DGKG: variants seen among roughly 807,000 people sequenced by gnomAD.
DGKG encodes the protein DAG kinase gamma.
DGKG carries 78 observed loss-of-function variants against 105.3 expected under a neutral mutation model. The ratio of observed to expected loss-of-function variants is 0.74; its 90% CI spans 0.62 to 0.89. The LOEUF is 0.89. DGKG is among the 40% of genes least tolerant of loss of function. The pLI, the probability that DGKG is intolerant of heterozygous loss-of-function variation, is 0.00. For missense variants in DGKG, 958 were observed against 1,020.1 expected, an observed-to-expected ratio of 0.94 and a Z score of 0.83; for synonymous variants, 346 against 367.1, an observed-to-expected ratio of 0.94 and a Z score of 0.66.
chr3:186,318,904 C>T (rs922479489), intron 2 of DGKG, among the ~76,000 whole-genome samples: 7 of 152,210 alleles, frequency 4.6e-5, no homozygotes, highest in Non-Finnish European at 7.3e-5. Context: ...CTCGTTTCCA[C>T]GCTTAGTTTA....
chr3:186,299,027 C>T (rs1723736511), intron 3 of DGKG, among the ~76,000 whole-genome samples: 1 of 152,206 alleles, frequency 6.6e-6, no homozygotes, highest in Non-Finnish European at 1.5e-5. Flanking sequence ...TACCGCCTGG[C>T]TTCTGGTCCC....
At chr3:186,352,199 T>C (rs960881086) in intron 1 of DGKG, among the ~76,000 whole-genome samples, 1 of 152,168 alleles carries the variant, frequency 6.6e-6, no homozygotes. Flanking sequence ...TAAGTGTTTC[T>C]GTAAGCCACC....
At chr3:186,271,896 G>A (rs1297785170) in intron 11 of DGKG, among the ~76,000 whole-genome samples, 1 of 152,170 alleles carries the variant, frequency 6.6e-6, no homozygotes, top group African/African-American at 2.4e-5. Flanking sequence ...GCTCCTTTGT[G>A]CAACTTGCCC....
At chr3:186,353,804 T>C (rs1277066392) in intron 1 of DGKG, among the ~76,000 whole-genome samples, 1 of 152,006 alleles carries the variant, frequency 6.6e-6, no homozygotes, top group East Asian at 1.9e-4. Context: ...TCAGCACATA[T>C]TTACTGATTG....
At chr3:186,180,986 C>T (rs560193138) in intron 22 of DGKG, among the ~76,000 whole-genome samples, 2 of 152,326 alleles carry the variant, frequency 1.3e-5, no homozygotes, top group Admixed American at 6.5e-5. Flanking sequence ...GATGACTACA[C>T]GTATTTGCCT....
At chr3:186,299,943 T>C (rs2108616810) in intron 3 of DGKG, among the ~76,000 whole-genome samples, 1 of 151,976 alleles carries the variant, frequency 6.6e-6, no homozygotes, top group East Asian at 1.9e-4. Flanking sequence ...CAAGTGATCC[T>C]CACGCCTCAG....
At chr3:186,279,795 G>A in intron 9 of DGKG, 56 bp downstream of exon 9, 1 of 1,592,568 alleles carries the variant, frequency 6.3e-7, no homozygotes, top group Non-Finnish European at 8.6e-7. Context: ...ATATTAACAT[G>A]AAGCCCAATG....
chr3:186,320,392 C>T lies in DGKG; in HGVS notation c.67+1G>A, dbSNP rs1560153115. Reference sequence around the variant, plus strand: ...CCAGGGCTGTCAATGCATTTACTCACATTCTGAATATTTCTGGAGTTGGTC... The same window carrying T: ...CCAGGGCTGTCAATGCATTTACTCATATTCTGAATATTTCTGGAGTTGGTC... On this transcript the variant is annotated splice_donor_variant, in intron 2 of 24. Transcript: ENST00000265022. LOFTEE classifies it high-confidence loss of function. 1 of 1,614,202 alleles carries T rather than the reference C, an allele frequency of 6.2e-7. No homozygotes were observed. The highest frequency in any genetic ancestry group is 8.5e-7 in the Non-Finnish European group (1 of 1,180,020).
chr3:186,177,462 C>A (rs1183042294), intron 22 of DGKG, among the ~76,000 whole-genome samples: 1 of 152,216 alleles, frequency 6.6e-6, no homozygotes, highest in African/African-American at 2.4e-5. Flanking sequence ...TGGTGCTGGG[C>A]AGCTGGGGCA....
At chr3:186,312,080 C>CAGTCCGCAG (rs768390961) in intron 2 of DGKG, among the ~76,000 whole-genome samples, 2 of 102,934 alleles carry the variant, frequency 1.9e-5, no homozygotes, top group Non-Finnish European at 3.3e-5. Context: ...TGCGCCACTG[C>CAGTCCGCAG]AGTCCGCAGT....
intron 1 of DGKG, among the ~76,000 whole-genome samples, chr3:186,352,212 C>G (rs1016102076): frequency 2.0e-5 from 3 of 152,140 alleles, no homozygotes; most frequent in Non-Finnish European, 2.9e-5. Flanking sequence ...AAGCCACCCC[C>G]CTGCTTGACC....
intron 1 of DGKG, among the ~76,000 whole-genome samples, chr3:186,345,917 C>T (rs112310888): frequency 3.9e-4 from 59 of 152,010 alleles, no homozygotes; most frequent in Non-Finnish European, 8.2e-4. Flanking sequence ...TACAGGTGCC[C>T]GCCACCACGC....
At chr3:186,332,095 A>G (rs1478917887) in intron 1 of DGKG, among the ~76,000 whole-genome samples, 2 of 152,186 alleles carry the variant, frequency 1.3e-5, no homozygotes, top group Non-Finnish European at 2.9e-5. Flanking sequence ...GATGCCATTA[A>G]TAAGCCACCT....
At chr3:186,179,026 A>G (rs1717230115) in intron 22 of DGKG, among the ~76,000 whole-genome samples, 1 of 152,236 alleles carries the variant, frequency 6.6e-6, no homozygotes, top group Non-Finnish European at 1.5e-5. Flanking sequence ...CGTATGTGCG[A>G]TCACCAGCAG....
intron 9 of DGKG, among the ~76,000 whole-genome samples, chr3:186,275,950 A>G (rs913874377): frequency 3.6e-5 from 1 of 27,814 alleles, no homozygotes; most frequent in Non-Finnish European, 9.6e-5. Flanking sequence ...AATCTGATCT[A>G]TCTATCTATC....
At chr3:186,264,924 A>G (rs3774062) in intron 14 of DGKG, among the ~76,000 whole-genome samples, 37,104 of 152,150 alleles carry the variant, frequency 0.24, 4,645 homozygotes, top group South Asian at 0.3. Flanking sequence ...TGAAAAACCC[A>G]TTGTCTATTT....
In DGKG at chr3:186,219,187, G is replaced by A. The variant is rs188815269; in HGVS notation, c.1827-7302C>T. Among the ~76,000 whole-genome samples the A allele has an allele frequency of 1.9e-4, 29 of 151,550 alleles. No homozygotes were observed. The East Asian group carries it at 3.1e-3, about 16-fold the overall frequency. ...AAAAAAAAAAGAAAAGCAAAGGCAGGTGGGGTCTGCTCTGAGGCCAGGATG... is the reference window on the plus strand; with the variant it reads ...AAAAAAAAAAGAAAAGCAAAGGCAGATGGGGTCTGCTCTGAGGCCAGGATG... On this transcript the variant is annotated intron_variant, in intron 20 of 24. Coordinates refer to ENST00000265022, the MANE Select transcript of DGKG (RefSeq NM_001346.3).
At position 186,260,647 on chromosome 3, in the gene DGKG, G is replaced by A. The variant is rs958494003; in HGVS notation, c.1350-134C>T. ...TGAGGGTTCATTTAAACCCCGGAGGGGAGGGCACTGCCTGCTGACCCTGGC... is the reference window on the plus strand; with the variant it reads ...TGAGGGTTCATTTAAACCCCGGAGGAGAGGGCACTGCCTGCTGACCCTGGC... On this transcript the variant is annotated intron_variant, in intron 15 of 24. Transcript: ENST00000265022. 35 of 689,652 alleles carry A rather than the reference G, an allele frequency of 5.1e-5. No homozygotes were observed. In the Admixed American group the frequency reaches 7.7e-4, roughly 15 times the overall value. The allele number at this position is 689,652 out of a possible 1,614,324, so 42.7% of individuals were successfully genotyped here. A position where few individuals can be genotyped will look rare whatever the true frequency, so the allele number is the denominator to read the frequency against.
chr3:186,331,814 A>C (rs1725618345), intron 1 of DGKG, among the ~76,000 whole-genome samples: 1 of 152,206 alleles, frequency 6.6e-6, no homozygotes, highest in African/African-American at 2.4e-5. Context: ...CACTGTAATA[A>C]CAAGCAATAG....
Sources: allele counts gnomAD v4.1 joint callset (sites outside exome capture counted in the v4.1 genomes callset), GRCh38; gene constraint gnomAD v4.1.1; transcripts MANE v1.5; gene names NCBI Gene and HGNC (gene_info 2026-07-23, HGNC 2026-07-21).